Variants in SEMA6D observed in about 807,000 individuals in gnomAD.
SEMA6D encodes the protein semaphorin 6D.
SEMA6D carries 35 observed loss-of-function variants against 106.6 expected under a neutral mutation model. The ratio of observed to expected loss-of-function variants is 0.33; its 90% confidence interval spans 0.25 to 0.44. SEMA6D has a LOEUF of 0.44. SEMA6D is among the 20% of genes least tolerant of loss of function. The pLI, the probability that SEMA6D is intolerant of heterozygous loss-of-function variation, is 1.00. For missense variants in SEMA6D, 1,185 were observed against 1,345.9 expected (o/e 0.88, Z 1.87); for synonymous variants, 499 against 487.7 (o/e 1.02, Z -0.31).
intron 2 of SEMA6D, among the ~76,000 whole-genome samples, chr15:47,468,767 G>A (rs1014806334): frequency 6.6e-6 from 1 of 152,146 alleles, no homozygotes; most frequent in African/African-American, 2.4e-5. Context: ...ATCCAGGTTT[G>A]AATAGTACAG....
At chr15:47,552,657 TTTCAAAATGCAGTTG>T (rs887188862) in intron 3 of SEMA6D, among the ~76,000 whole-genome samples, 3 of 146,364 alleles carry the variant, frequency 2.0e-5, no homozygotes, top group African/African-American at 7.5e-5. Context: ...AAATCTTAAA[TTTCAAAATGCAGTTG>T]TTTAGAAAGT....
chr15:47,349,466 A>G (rs150682634), intron 1 of SEMA6D, among the ~76,000 whole-genome samples: 9 of 152,300 alleles, frequency 5.9e-5, no homozygotes, highest in Non-Finnish European at 1.2e-4. Context: ...TCAGTATGCC[A>G]AGATGTATTA....
In SEMA6D at chr15:47,682,795, C is replaced by A. The variant is rs1447271474; in HGVS notation, c.-54-76950C>A. Reference sequence around the variant, plus strand: ...ACTACTCATTTTTTTGAAATGAGTTCATTTGCCCGCAGTACGTAAAACCCT... The same window carrying A: ...ACTACTCATTTTTTTGAAATGAGTTAATTTGCCCGCAGTACGTAAAACCCT... On this transcript the variant is annotated intron_variant, in intron 4 of 19. Coordinates refer to the SEMA6D transcript ENST00000558014. Among the ~76,000 whole-genome samples the A allele has an allele frequency of 2.6e-5, 4 of 152,304 alleles. No individual in the cohort carries two copies. In the South Asian group the frequency reaches 8.3e-4, roughly 32 times the overall value.
Position 47,639,643 on chromosome 15 carries a change from A to G in SEMA6D, c.-55+38747A>G, listed in dbSNP as rs79781861. Among the ~76,000 whole-genome samples the G allele has an allele frequency of 6.2e-3, 939 of 152,338 alleles. 4 individuals are homozygous for G. Among genetic ancestry groups the G allele is most frequent in the African/African-American group, 0.021 (873 of 41,582 alleles). ...TTACCTCAAGCACGTGATCTAGGCCAATATCAACAGTCAGAAGTCATGTTG... is the reference window on the plus strand; with the variant it reads ...TTACCTCAAGCACGTGATCTAGGCCGATATCAACAGTCAGAAGTCATGTTG... On this transcript the variant is annotated intron_variant, in intron 4 of 19. Coordinates refer to the SEMA6D transcript ENST00000558014.
At chr15:47,720,264 T>TC (rs1490845615) in intron 1 of SEMA6D, among the ~76,000 whole-genome samples, 1 of 90,136 alleles carries the variant, frequency 1.1e-5, no homozygotes, top group African/African-American at 4.2e-5. Flanking sequence ...AACCTTTCTT[T>TC]TTTTTTTTTT....
intron 3 of SEMA6D, among the ~76,000 whole-genome samples, chr15:47,566,211 A>G (rs75804703): frequency 0.017 from 2,535 of 152,306 alleles, 71 homozygotes; most frequent in African/African-American, 0.058. Flanking sequence ...TGGGATTCAC[A>G]AGAGTCAGAG....
chr15:47,497,887 G>T (rs556508640), intron 3 of SEMA6D, among the ~76,000 whole-genome samples: 1 of 151,976 alleles, frequency 6.6e-6, no homozygotes, highest in Non-Finnish European at 1.5e-5. Context: ...GTTTCCAGTA[G>T]GTTCTACTTC....
At chr15:47,225,519 GTTTTTTTTTTTTTTT>G (rs71118160) in intron 1 of SEMA6D, among the ~76,000 whole-genome samples, 13 of 92,384 alleles carry the variant, frequency 1.4e-4, no homozygotes, top group African/African-American at 4.2e-4. Context: ...CTTGTTGAGG[GTTTTTTTTTTTTTTT>G]TTTTTTTTTT....
intron 1 of SEMA6D, among the ~76,000 whole-genome samples, chr15:47,253,237 C>T (rs1053035440): frequency 2.3e-4 from 35 of 152,050 alleles, no homozygotes; most frequent in African/African-American, 8.0e-4. Flanking sequence ...TTTTTGAGGT[C>T]GTTATACATG....
At chr15:47,735,020 A>C (rs576045051) in intron 1 of SEMA6D, among the ~76,000 whole-genome samples, 5 of 152,296 alleles carry the variant, frequency 3.3e-5, no homozygotes, top group Admixed American at 2.6e-4. Flanking sequence ...TTCCCAGAAG[A>C]GACTTAACTC....
chr15:47,314,597 C>CAAAAAAAACAAAAAA (rs2036573689), intron 1 of SEMA6D, among the ~76,000 whole-genome samples: 1 of 24,302 alleles, frequency 4.1e-5, no homozygotes. Flanking sequence ...GACTCCATCT[C>CAAAAAAAACAAAAAA]AAAAAAAAAA....
Position 47,278,929 on chromosome 15 carries a change from T to A in SEMA6D, c.-239+94511T>A, listed in dbSNP as rs547422805. Among the ~76,000 whole-genome samples the A allele has an allele frequency of 2.0e-5, 3 of 146,590 alleles. No individual in the cohort carries two copies. In the East Asian group the frequency reaches 6.0e-4, roughly 29 times the overall value. The stretch of plus-strand genomic sequence containing the variant: ...GTCAGAGATCAGATAGTTGTAGATA[T>A]GCGGCGTTATTTCTGAGGGCTCTGT... On this transcript the variant is annotated intron_variant, in intron 1 of 19. Transcript: ENST00000558014.
At chr15:47,570,837 A>G (rs2046361753) in intron 3 of SEMA6D, among the ~76,000 whole-genome samples, 1 of 152,246 alleles carries the variant, frequency 6.6e-6, no homozygotes, top group Non-Finnish European at 1.5e-5. Context: ...AACCTAATGC[A>G]TTAGTGGGTT....
At chr15:47,479,623 T>G (rs1466188978) in intron 3 of SEMA6D, among the ~76,000 whole-genome samples, 1 of 152,148 alleles carries the variant, frequency 6.6e-6, no homozygotes, top group Non-Finnish European at 1.5e-5. Flanking sequence ...TTTAGAGTAG[T>G]GACTTGGAAA....
At chr15:47,245,873 A>C (rs1005912044) in intron 1 of SEMA6D, among the ~76,000 whole-genome samples, 2 of 152,164 alleles carry the variant, frequency 1.3e-5, no homozygotes, top group Non-Finnish European at 2.9e-5. Context: ...TATAGATAGC[A>C]GTAGTGGAAT....
chr15:47,319,448 C>T (rs1016781735), intron 1 of SEMA6D, among the ~76,000 whole-genome samples: 2 of 152,060 alleles, frequency 1.3e-5, no homozygotes, highest in African/African-American at 4.8e-5. Flanking sequence ...GGGTGGAGGA[C>T]TCTATAGTCC....
chr15:47,481,099 G>T (rs1283404011), intron 3 of SEMA6D, among the ~76,000 whole-genome samples: 1 of 152,180 alleles, frequency 6.6e-6, no homozygotes, highest in Non-Finnish European at 1.5e-5. Context: ...AATGATGGCT[G>T]TAATTTTGTA....
chr15:47,582,673 G>T (rs893159983), intron 3 of SEMA6D, among the ~76,000 whole-genome samples: 1 of 152,146 alleles, frequency 6.6e-6, no homozygotes, highest in African/African-American at 2.4e-5. Flanking sequence ...GTCTCTAGAA[G>T]ACTGGGGAGG....
chr15:47,301,585 G>C (rs112866939), intron 1 of SEMA6D, among the ~76,000 whole-genome samples: 1 of 152,220 alleles, frequency 6.6e-6, no homozygotes, highest in African/African-American at 2.4e-5. Flanking sequence ...TTTGAGTGTT[G>C]CTGCTCACCT....
Sources: gnomAD v4.1 joint callset for allele counts (sites outside exome capture counted in the v4.1 genomes callset) on GRCh38, gnomAD v4.1.1 for gene constraint, MANE v1.5 for transcripts, NCBI Gene and HGNC (gene_info 2026-07-23, HGNC 2026-07-21) for gene names.